Variants in CSNK2A2IP observed in about 807,000 individuals in gnomAD.
CSNK2A2IP encodes casein kinase II subunit alpha'-interacting protein.
At chr3:88,338,751 T>C in the CSNK2A2IP span, 2 of 152,102 alleles carry the variant, frequency 1.3e-5, no homozygotes, top group Non-Finnish European at 2.9e-5. Context: ...TGGTGGGCTA[T>C]TTTTTTCAGT....
At chr3:88,427,676 C>T in the CSNK2A2IP span, among the ~76,000 whole-genome samples, 1 of 152,148 alleles carries the variant, frequency 6.6e-6, no homozygotes, top group Admixed American at 6.5e-5. Context: ...AAGCCCCAAG[C>T]CTTGATGCCT....
the CSNK2A2IP span, among the ~76,000 whole-genome samples, chr3:88,450,997 C>T: frequency 1.3e-5 from 2 of 152,100 alleles, no homozygotes; most frequent in Non-Finnish European, 2.9e-5. Flanking sequence ...TATTTCCCAG[C>T]TTTGCCAACA....
At chr3:88,351,198 A>G in the CSNK2A2IP span, among the ~76,000 whole-genome samples, 4 of 152,174 alleles carry the variant, frequency 2.6e-5, no homozygotes, top group Non-Finnish European at 5.9e-5. Context: ...TATAATAAAT[A>G]CATAATTTTT....
chr3:88,426,718 A>G, the CSNK2A2IP span, among the ~76,000 whole-genome samples: 1 of 152,154 alleles, frequency 6.6e-6, no homozygotes. Flanking sequence ...CATGTGAAGA[A>G]GGATGAATTT....
the CSNK2A2IP span, among the ~76,000 whole-genome samples, chr3:88,360,241 C>T: frequency 6.6e-6 from 1 of 151,472 alleles, no homozygotes; most frequent in African/African-American, 2.4e-5. Flanking sequence ...TCACGCCATT[C>T]TCCTGCCTCA....
the CSNK2A2IP span, among the ~76,000 whole-genome samples, chr3:88,396,272 A>AT: frequency 6.6e-6 from 1 of 151,250 alleles, no homozygotes; most frequent in African/African-American, 2.4e-5. Flanking sequence ...CGCCCGGCTA[A>AT]TTTTTTGTAT....
the CSNK2A2IP span, among the ~76,000 whole-genome samples, chr3:88,464,547 C>G: frequency 6.6e-6 from 1 of 151,732 alleles, no homozygotes; most frequent in Non-Finnish European, 1.5e-5. Flanking sequence ...GAAATAGGAG[C>G]TTTAAAAGGG....
chr3:88,380,763 AT>A, the CSNK2A2IP span, among the ~76,000 whole-genome samples: 5 of 152,186 alleles, frequency 3.3e-5, no homozygotes, highest in African/African-American at 1.2e-4. Flanking sequence ...AGAAAAAAAA[AT>A]AAGTGAAAAT....
chr3:88,463,793 C>T, the CSNK2A2IP span, among the ~76,000 whole-genome samples: 1 of 152,106 alleles, frequency 6.6e-6, no homozygotes, highest in East Asian at 1.9e-4. Context: ...CCAGCCATCC[C>T]ATTACTGGGT....
the CSNK2A2IP span, among the ~76,000 whole-genome samples, chr3:88,426,889 T>G: frequency 4.9e-3 from 604 of 123,566 alleles, no homozygotes; most frequent in Non-Finnish European, 5.8e-3. Flanking sequence ...CCACGGGGGA[T>G]GGGGGGGGGC....
chr3:88,395,952 T>G, the CSNK2A2IP span, among the ~76,000 whole-genome samples: 1 of 152,160 alleles, frequency 6.6e-6, no homozygotes, highest in Non-Finnish European at 1.5e-5. Flanking sequence ...TTTTTGAGTA[T>G]CTGCTGTATG....
At chr3:88,423,044 G>A in the CSNK2A2IP span, among the ~76,000 whole-genome samples, 1 of 152,278 alleles carries the variant, frequency 6.6e-6, no homozygotes, top group Admixed American at 6.5e-5. Context: ...GTGAGAATCT[G>A]TGATGTTGTC....
chr3:88,454,850 TA>T, the CSNK2A2IP span, among the ~76,000 whole-genome samples: 1 of 151,888 alleles, frequency 6.6e-6, no homozygotes, highest in Non-Finnish European at 1.5e-5. Context: ...GGTGCATTAT[TA>T]TTAACCTCTT....
chr3:88,441,190 C>T, the CSNK2A2IP span, among the ~76,000 whole-genome samples: 1 of 152,036 alleles, frequency 6.6e-6, no homozygotes, highest in African/African-American at 2.4e-5. Flanking sequence ...ACCTGTTTTT[C>T]CTTTCTAAGG....
At chr3:88,418,805 C>T in the CSNK2A2IP span, among the ~76,000 whole-genome samples, 1 of 152,144 alleles carries the variant, frequency 6.6e-6, no homozygotes, top group Non-Finnish European at 1.5e-5. Flanking sequence ...ACCTAGGCCA[C>T]TGTCTGGTAC....
chr3:88,464,331 T>C, the CSNK2A2IP span, among the ~76,000 whole-genome samples: 1 of 150,108 alleles, frequency 6.7e-6, no homozygotes, highest in African/African-American at 2.4e-5. Flanking sequence ...AATAAATAAA[T>C]ATATCTATAT....
At chr3:88,356,657 T>C in the CSNK2A2IP span, among the ~76,000 whole-genome samples, 1 of 152,174 alleles carries the variant, frequency 6.6e-6, no homozygotes, top group Admixed American at 6.5e-5. Flanking sequence ...TTTTACTTTT[T>C]TGAGGAGCCT....
At chr3:88,453,283 G>A in the CSNK2A2IP span, among the ~76,000 whole-genome samples, 1 of 151,976 alleles carries the variant, frequency 6.6e-6, no homozygotes, top group Non-Finnish European at 1.5e-5. Context: ...AATTAATATA[G>A]GCCTAATGGT....
the CSNK2A2IP span, among the ~76,000 whole-genome samples, chr3:88,409,065 T>C: frequency 6.6e-6 from 1 of 152,134 alleles, no homozygotes; most frequent in East Asian, 1.9e-4. Context: ...TAAGTAAGTA[T>C]TTGCACGAAA....
Sources: allele counts gnomAD v4.1 joint callset (sites outside exome capture counted in the v4.1 genomes callset), GRCh38; gene constraint gnomAD v4.1.1; transcripts MANE v1.5; gene names NCBI Gene and HGNC (gene_info 2026-07-23, HGNC 2026-07-21).